Variants in SLC39A10 observed in about 807,000 individuals in gnomAD.
The protein encoded by SLC39A10 is zinc transporter ZIP10.
A neutral mutation model predicts 65.1 loss-of-function variants in SLC39A10; 13 were observed. The observed-to-expected ratio is 0.20, with a 90% CI of 0.13 to 0.32. The LOEUF (loss-of-function observed/expected upper bound fraction) is 0.32. Ranked by LOEUF, SLC39A10 falls within the 10% of genes least tolerant of loss-of-function variation. SLC39A10 has a pLI of 1.00. For missense variants in SLC39A10, 831 were observed against 1,018.4 expected (o/e 0.82, Z 2.50); for synonymous variants, 321 against 342.2 (o/e 0.94, Z 0.68).
chr2:195,678,443 A>AT (rs1270976308), intron 1 of SLC39A10, among the ~76,000 whole-genome samples: 1 of 151,018 alleles, frequency 6.6e-6, no homozygotes, highest in Non-Finnish European at 1.5e-5. Context: ...TTACCTACTC[A>AT]TTTTTTCATT....
Position 195,716,843 on chromosome 2 carries a change from G to A in SLC39A10, c.1903G>A (p.Val635Met). The A allele has an allele frequency of 5.0e-6, 8 of 1,614,142 alleles. No homozygotes were observed. Among genetic ancestry groups the A allele is most frequent in the Non-Finnish European group, 6.8e-6 (8 of 1,180,018 alleles). ...AHNHHGENKT[V>M]LRKHNHQWHH... Reference sequence around the variant, plus strand: ...TAACCACCACGGCGAGAACAAAACTGTGCTGAGGAAGCATAATCACCAGTG... The same window carrying A: ...TAACCACCACGGCGAGAACAAAACTATGCTGAGGAAGCATAATCACCAGTG... The change falls in exon 7 of 10, where the codon GTG (valine) becomes ATG (methionine). Residue 635 changes from valine (V) to methionine (M), a missense_variant. Physicochemically the swap from Val to Met is conservative, Grantham distance 21. Around this residue, in one of 4 missense-constraint regions of SLC39A10, gnomAD observed 230 missense variants for 242.9 expected, o/e 0.95. Coordinates refer to ENST00000359634, the MANE Select transcript of SLC39A10 (RefSeq NM_020342.3).
At chr2:195,683,629 G>C in intron 2 of SLC39A10, 70 bp from the exon 3 acceptor site, 1 of 1,124,140 alleles carries the variant, frequency 8.9e-7, no homozygotes. Flanking sequence ...TTCTTAGGCA[G>C]TAATTTATTT....
upstream of SLC39A10, among the ~76,000 whole-genome samples, chr2:195,654,230 C>T (rs555411794): frequency 4.4e-4 from 67 of 152,242 alleles, no homozygotes; most frequent in African/African-American, 1.4e-3. Context: ...TGAGCCACCA[C>T]GCCTGGCAGA....
intron 8 of SLC39A10, among the ~76,000 whole-genome samples, chr2:195,721,396 C>T (rs138577603): frequency 5.9e-5 from 9 of 152,316 alleles, no homozygotes; most frequent in African/African-American, 2.2e-4. Flanking sequence ...TTATACCATT[C>T]TCCTACATGG....
At chr2:195,703,506 T>G (rs759509645) in intron 3 of SLC39A10, among the ~76,000 whole-genome samples, 1 of 152,182 alleles carries the variant, frequency 6.6e-6, no homozygotes, top group Non-Finnish European at 1.5e-5. Context: ...CTTTTGAAGG[T>G]AGTCTTTAAA....
chr2:195,718,365 A>C (rs1691897263), intron 8 of SLC39A10, 33 bp downstream of exon 8: 1 of 1,515,452 alleles, frequency 6.6e-7, no homozygotes, highest in African/African-American at 1.4e-5. Context: ...ACCAGATTTC[A>C]TCAAATCTAA....
intron 1 of SLC39A10, among the ~76,000 whole-genome samples, chr2:195,662,289 G>A (rs893250882): frequency 9.3e-6 from 1 of 107,284 alleles, no homozygotes; most frequent in South Asian, 2.8e-4. Flanking sequence ...TTTTTTTTTT[G>A]TGAGACAGTA....
intron 2 of SLC39A10, among the ~76,000 whole-genome samples, chr2:195,637,724 A>T (rs564411488): frequency 6.6e-6 from 1 of 152,334 alleles, no homozygotes; most frequent in East Asian, 1.9e-4. Flanking sequence ...TTCTTTGGAC[A>T]TGTTGAGTTT....
At chr2:195,639,140 A>T (rs545903541) in intron 2 of SLC39A10, among the ~76,000 whole-genome samples, 94 of 152,058 alleles carry the variant, frequency 6.2e-4, no homozygotes, top group Non-Finnish European at 1.2e-3. Context: ...ATTTGTAAAG[A>T]TAAGTCTTGC....
chr2:195,613,140 A>G (rs533428957), intron 2 of SLC39A10, among the ~76,000 whole-genome samples: 5 of 152,304 alleles, frequency 3.3e-5, no homozygotes, highest in Admixed American at 3.3e-4. Context: ...CATAGGGACC[A>G]TCAACAATGT....
chr2:195,616,942 C>T (rs561384929), intron 2 of SLC39A10, among the ~76,000 whole-genome samples: 1 of 152,272 alleles, frequency 6.6e-6, no homozygotes, highest in African/African-American at 2.4e-5. Flanking sequence ...TGTTTTCCTT[C>T]TGTAAACTAC....
At chr2:195,715,612 AAAG>A (rs1388646593) in intron 6 of SLC39A10, among the ~76,000 whole-genome samples, 1 of 152,120 alleles carries the variant, frequency 6.6e-6, no homozygotes, top group Non-Finnish European at 1.5e-5. Flanking sequence ...AAATAAATAT[AAAG>A]AAGCAATACA....
chr2:195,680,375 T>C lies in SLC39A10; in HGVS notation c.333T>C (p.His111=), dbSNP rs1472684817. The change falls in exon 2 of 10, where the codon CAT becomes CAC. Residue 111 remains histidine (H), a synonymous_variant. Coordinates refer to ENST00000359634, the MANE Select transcript of SLC39A10 (RefSeq NM_020342.3). ...HEDLGHDHVS[H]LDILAVQEGK... is the part of the protein sequence containing the mutation. ...ATCTTGGCCACGATCATGTTTCTCA[T>C]TTAGATATTTTGGCAGTTCAAGAGG... 1.9e-6 allele frequency: 3 copies of C among 1,614,004 alleles called. No individual in the cohort carries two copies. Among genetic ancestry groups the C allele is most frequent in the Non-Finnish European group, 2.5e-6 (3 of 1,180,032 alleles).
At chr2:195,649,459 T>C (rs1688989318) in intron 2 of SLC39A10, among the ~76,000 whole-genome samples, 1 of 152,236 alleles carries the variant, frequency 6.6e-6, no homozygotes, top group African/African-American at 2.4e-5. Context: ...ACTTGATTAT[T>C]TTCATAAATG....
At chr2:195,630,955 G>A (rs902702351) in intron 2 of SLC39A10, among the ~76,000 whole-genome samples, 9 of 152,272 alleles carry the variant, frequency 5.9e-5, no homozygotes, top group Admixed American at 2.0e-4. Flanking sequence ...TTGGGAGGCC[G>A]AGGCAGGTGG....
rs138437819 is a variant in SLC39A10, at chr2:195,645,693, G to T, written c.-11-34339G>T. On this transcript the variant is annotated intron_variant, in intron 2 of 2. Coordinates refer to the SLC39A10 transcript ENST00000458054. ...AGAAGTGAAATCATATAATGTCTGT[G>T]TTTTTGTGTCTGGCTTATTTCACTT... is the stretch of plus-strand genomic sequence containing the variant. Among the ~76,000 whole-genome samples the T allele has an allele frequency of 2.6e-5, 4 of 152,118 alleles. No individual in the cohort carries two copies. In the East Asian group the frequency reaches 7.7e-4, roughly 29 times the overall value.
At chr2:195,688,561 T>G (rs1690612149) in intron 3 of SLC39A10, among the ~76,000 whole-genome samples, 1 of 152,192 alleles carries the variant, frequency 6.6e-6, no homozygotes, top group Non-Finnish European at 1.5e-5. Context: ...TTTTTAAAAT[T>G]AATAATTCAG....
intron 2 of SLC39A10, among the ~76,000 whole-genome samples, chr2:195,621,594 C>G (rs536944631): frequency 6.6e-6 from 1 of 152,114 alleles, no homozygotes; most frequent in Non-Finnish European, 1.5e-5. Context: ...CTCTATCATT[C>G]GACCTGATTC....
chr2:195,662,172 A>G (rs978522605), intron 1 of SLC39A10, among the ~76,000 whole-genome samples: 4 of 152,178 alleles, frequency 2.6e-5, no homozygotes, highest in African/African-American at 9.7e-5. Flanking sequence ...ATCAGTGATC[A>G]CTTTAGGTTT....
Sources: gnomAD v4.1 joint callset for allele counts (sites outside exome capture counted in the v4.1 genomes callset) on GRCh38, gnomAD v4.1.1 for gene constraint, gnomAD v4.1.1 regional missense constraint, MANE v1.5 for transcripts, NCBI Gene and HGNC (gene_info 2026-07-23, HGNC 2026-07-21) for gene names.